ECHDC1: variants seen among roughly 807,000 people sequenced by gnomAD.
The protein encoded by ECHDC1 is ethylmalonyl-CoA decarboxylase 1, also known as ethylmalonyl-CoA decarboxylase.
ECHDC1 carries 29 observed loss-of-function variants against 29.7 expected under a neutral mutation model. That is an observed-to-expected ratio of 0.98 (90% CI 0.73 to 1.33). The LOEUF is 1.33. Among genes scored for constraint, ECHDC1 ranks in the 40% most tolerant of loss-of-function variants. ECHDC1 has a pLI of 0.00. For missense variants in ECHDC1, 328 were observed against 350.0 expected, an observed-to-expected ratio of 0.94 and a Z score of 0.50; for synonymous variants, 126 against 123.1, an observed-to-expected ratio of 1.02 and a Z score of -0.15.
At chr6:127,290,421 G>C in intron 5 of ECHDC1, 144 bp from the exon 6 acceptor site, 1 of 792,978 alleles carries the variant, frequency 1.3e-6, no homozygotes, top group Non-Finnish European at 1.9e-6. Flanking sequence ...AAATATGGCT[G>C]TTTCATCTAG....
At chr6:127,342,770 G>A (rs558256821) in intron 1 of ECHDC1, 3 of 177,656 alleles carry the variant, frequency 1.7e-5, no homozygotes, top group East Asian at 3.0e-4. Flanking sequence ...TCCCCTACAC[G>A]TGTAATCCCT....
At chr6:127,342,897 A>C (rs2114728129) in intron 1 of ECHDC1, 1 of 152,866 alleles carries the variant, frequency 6.5e-6, no homozygotes, top group Non-Finnish European at 1.5e-5. Flanking sequence ...GCACGATACA[A>C]GTAAGAAAAG....
chr6:127,333,102 G>A (rs1385798943), intron 1 of ECHDC1, among the ~76,000 whole-genome samples: 1 of 152,172 alleles, frequency 6.6e-6, no homozygotes, highest in Non-Finnish European at 1.5e-5. Context: ...CCAGAGGGAT[G>A]GCTTTCTGTC....
At position 127,297,476 on chromosome 6, in the gene ECHDC1, T is replaced by C. The variant is rs575914605; in HGVS notation, c.498-7199A>G. Among the ~76,000 whole-genome samples the C allele has an allele frequency of 5.3e-5, 8 of 152,224 alleles. No individual in the cohort carries two copies. The East Asian group carries it at 5.8e-4, about 11-fold the overall frequency. On this transcript the variant is annotated intron_variant, in intron 5 of 5. Transcript: ENST00000454859. ...CAGCTAAGGCTAGTCCTTGGAGAAA[T>C]AGCCTGAAAAATCACAGCTACAGGC...
At chr6:127,294,852 G>A (rs1163133362) in intron 5 of ECHDC1, 1 of 136,558 alleles carries the variant, frequency 7.3e-6, no homozygotes, top group African/African-American at 2.7e-5. Context: ...TCAAAAATGG[G>A]ATTTGTTATT....
chr6:127,299,073 C>T (rs545251902), intron 5 of ECHDC1, among the ~76,000 whole-genome samples: 4 of 151,738 alleles, frequency 2.6e-5, no homozygotes, highest in African/African-American at 9.7e-5. Flanking sequence ...CACTATGTTG[C>T]CCAGGCTGGT....
At chr6:127,311,574 T>A (rs1369168986) in intron 5 of ECHDC1, among the ~76,000 whole-genome samples, 2 of 145,386 alleles carry the variant, frequency 1.4e-5, no homozygotes, top group Non-Finnish European at 3.0e-5. Context: ...ACTAGGAGGC[T>A]GAGGCAGGAG....
chr6:127,298,879 A>ATT (rs758683225), intron 5 of ECHDC1, among the ~76,000 whole-genome samples: 4 of 144,748 alleles, frequency 2.8e-5, no homozygotes, highest in Admixed American at 6.9e-5. Flanking sequence ...ACTGTACTAT[A>ATT]TTTTTTTTTT....
At chr6:127,321,646 CTT>C (rs1346590269) in intron 3 of ECHDC1, among the ~76,000 whole-genome samples, 1 of 152,156 alleles carries the variant, frequency 6.6e-6, no homozygotes, top group African/African-American at 2.4e-5. Context: ...TATACTATGA[CTT>C]CAGAGATTTC....
At chr6:127,335,515 T>A (rs1784351935) in intron 1 of ECHDC1, among the ~76,000 whole-genome samples, 1 of 152,114 alleles carries the variant, frequency 6.6e-6, no homozygotes, top group Non-Finnish European at 1.5e-5. Context: ...AAAAAGATGT[T>A]CTAACTTGCC....
intron 5 of ECHDC1, among the ~76,000 whole-genome samples, chr6:127,306,478 C>T (rs1465026633): frequency 6.6e-6 from 1 of 152,110 alleles, no homozygotes; most frequent in Non-Finnish European, 1.5e-5. Context: ...GGGCAGCCTT[C>T]CCCCTTGGTG....
At chr6:127,336,649 T>C (rs1020232480) in intron 1 of ECHDC1, among the ~76,000 whole-genome samples, 3 of 152,204 alleles carry the variant, frequency 2.0e-5, no homozygotes, top group African/African-American at 7.2e-5. Flanking sequence ...GAGAGTTTTC[T>C]TGCTCTAAGG....
intron 5 of ECHDC1, among the ~76,000 whole-genome samples, chr6:127,306,901 T>C (rs1310375554): frequency 6.6e-6 from 1 of 152,242 alleles, no homozygotes; most frequent in African/African-American, 2.4e-5. Context: ...ACATGGATCA[T>C]TCTTAAAAGT....
At chr6:127,340,722 C>CT (rs1393128583) in intron 1 of ECHDC1, among the ~76,000 whole-genome samples, 8 of 146,768 alleles carry the variant, frequency 5.5e-5, no homozygotes, top group African/African-American at 7.6e-5. Context: ...TTGGTAAGGA[C>CT]TTAGATAGTT....
In ECHDC1 at chr6:127,342,355, C is replaced by T. The variant is rs1475379476; in HGVS notation, c.-3+981G>A. 2.6e-6 allele frequency: 4 copies of T among 1,547,408 alleles called. No homozygotes were observed. In the Admixed American group the frequency reaches 7.9e-5, roughly 31 times the overall value. ...CCCTGTTTATAATCCTCACAACTCA[C>T]CCTGTTTCAATGCCATGCTTCTTCA... On this transcript the variant is annotated intron_variant, in intron 1 of 5. Coordinates refer to ENST00000454859, the MANE Select transcript of ECHDC1 (RefSeq NM_001002030.2).
chr6:127,308,188 C>G (rs1020081543), intron 5 of ECHDC1, among the ~76,000 whole-genome samples: 1 of 152,018 alleles, frequency 6.6e-6, no homozygotes, highest in African/African-American at 2.4e-5. Context: ...GATAAAGACA[C>G]ATCAAAAAAA....
At position 127,289,886 on chromosome 6, in the gene ECHDC1, C is replaced by T. The variant is rs1779971151; in HGVS notation, c.889G>A (p.Gly297Arg). The T allele has an allele frequency of 6.2e-7, 1 of 1,605,376 alleles. No homozygotes were observed. The highest frequency in any genetic ancestry group is 1.7e-5 in the Admixed American group (1 of 58,040). Residue 297 changes from glycine (G) to arginine (R), a missense_variant, in exon 6 of 6, where the codon GGA becomes AGA. Coordinates refer to ENST00000454859, the MANE Select transcript of ECHDC1 (RefSeq NM_001002030.2). The stretch of plus-strand genomic sequence containing the variant: ...AAAACCAATTATTTATTAAATTTTC[C>T]TTTCTTAGCAATAGCCTCTAAATTT... ...PANLEAIAKK[G>R]KFNK
rs573750526 is a variant in ECHDC1 at position 127,343,573 on chromosome 6, C to A, written c.-240G>T. Reference sequence around the variant, plus strand: ...GTGACCCCGGAAATCCCGCTCCTGCCGCGAGGCGCCCTCCGCTTCGCGCTC... The same window carrying A: ...GTGACCCCGGAAATCCCGCTCCTGCAGCGAGGCGCCCTCCGCTTCGCGCTC... On this transcript the variant is annotated 5_prime_UTR_variant, in exon 1 of 6. Coordinates refer to ENST00000454859, the MANE Select transcript of ECHDC1 (RefSeq NM_001002030.2). 1 of 152,184 alleles carries A rather than the reference C, an allele frequency of 6.6e-6. No individual in the cohort carries two copies. Among genetic ancestry groups the A allele is most frequent in the Non-Finnish European group, 1.5e-5 (1 of 68,090 alleles). The allele number at this position is 152,184 out of a possible 1,614,324, so 9.4% of individuals were successfully genotyped here. A position where few individuals can be genotyped will look rare whatever the true frequency, so the allele number is the denominator to read the frequency against.
At chr6:127,291,503 G>T (rs899551718) in intron 5 of ECHDC1, among the ~76,000 whole-genome samples, 4 of 152,014 alleles carry the variant, frequency 2.6e-5, no homozygotes, top group Non-Finnish European at 4.4e-5. Context: ...TTATGAATAG[G>T]ATGATTAATA....
Sources: gnomAD v4.1 joint callset for allele counts (sites outside exome capture counted in the v4.1 genomes callset) on GRCh38, gnomAD v4.1.1 for gene constraint, MANE v1.5 for transcripts, NCBI Gene and HGNC (gene_info 2026-07-23, HGNC 2026-07-21) for gene names.